KREMEN1: variants seen among roughly 807,000 people sequenced by gnomAD.
KREMEN1 encodes kremen protein 1.
In KREMEN1, 30 loss-of-function variants were observed where a neutral mutation model predicts 46.5. The ratio of observed to expected loss-of-function variants is 0.65; its 90% CI spans 0.48 to 0.88. The LOEUF is 0.88. Among genes scored for constraint, KREMEN1 ranks in the 40% least tolerant of loss-of-function variants. KREMEN1 has a pLI of 0.00. For missense variants in KREMEN1, 533 were observed against 596.9 expected (o/e 0.89, Z 1.11); for synonymous variants, 214 against 230.6 (o/e 0.93, Z 0.65).
chr22:29,073,313 C>A lies in KREMEN1; in HGVS notation c.97+86C>A. 2.3e-6 allele frequency: 1 copy of A among 427,280 alleles called. No homozygotes were observed. Among genetic ancestry groups the A allele is most frequent in the East Asian group, 6.9e-5 (1 of 14,568 alleles). The allele number at this position is 427,280 out of a possible 1,614,324, so 26.5% of individuals were successfully genotyped here. A position where few individuals can be genotyped will look rare whatever the true frequency, so the allele number is the denominator to read the frequency against. The stretch of plus-strand genomic sequence containing the variant: ...GGCCGGCCGGCCTGAGAGCCCCCTC[C>A]CTCCCGCTTCAGGACCTTCCGGGCC... On this transcript the variant is annotated intron_variant, in intron 1 of 8. Transcript: ENST00000400335. This position sits in a 1 kb window ranked among gnomAD's most constrained non-coding sequence, Gnocchi z 4.4.
intron 3 of KREMEN1, among the ~76,000 whole-genome samples, chr22:29,101,331 G>A (rs1205096331): frequency 6.6e-6 from 1 of 150,898 alleles, no homozygotes; most frequent in African/African-American, 2.4e-5. Context: ...TGTGTTGTAA[G>A]CTAAGTGTTA....
chr22:29,086,346 T>C (rs970368703), intron 1 of KREMEN1, among the ~76,000 whole-genome samples: 1 of 152,186 alleles, frequency 6.6e-6, no homozygotes, highest in African/African-American at 2.4e-5. Flanking sequence ...TCCCCTTTAT[T>C]GCACTGATTC....
chr22:29,104,871 G>A (rs1186788356), intron 3 of KREMEN1, among the ~76,000 whole-genome samples: 1 of 152,288 alleles, frequency 6.6e-6, no homozygotes, highest in East Asian at 1.9e-4. Context: ...TGCAGCCTGG[G>A]CGACAGAGCA....
intron 1 of KREMEN1, among the ~76,000 whole-genome samples, chr22:29,089,074 T>C (rs2037771219): frequency 6.6e-6 from 1 of 152,218 alleles, no homozygotes. Context: ...GCCCCAGATG[T>C]TGGGGCTGAT....
At chr22:29,137,155 A>G (rs1386586761) in intron 5 of KREMEN1, among the ~76,000 whole-genome samples, 187 bp from the exon 6 acceptor site, 4 of 152,088 alleles carry the variant, frequency 2.6e-5, no homozygotes, top group African/African-American at 4.8e-5. Flanking sequence ...CTCTGGGGGG[A>G]AAAACATCTC....
chr22:29,084,414 A>G (rs2037701501), intron 1 of KREMEN1, among the ~76,000 whole-genome samples: 1 of 152,134 alleles, frequency 6.6e-6, no homozygotes, highest in South Asian at 2.1e-4. Context: ...CCTCTATTTT[A>G]TGGGTTTATA....
At chr22:29,083,586 C>T (rs1391343332) in intron 1 of KREMEN1, among the ~76,000 whole-genome samples, 2 of 152,216 alleles carry the variant, frequency 1.3e-5, no homozygotes, top group African/African-American at 4.8e-5. Flanking sequence ...AATCCCAACA[C>T]TTTGGGAGGC....
At chr22:29,136,111 G>A (rs1043096625) in intron 5 of KREMEN1, among the ~76,000 whole-genome samples, 4 of 151,912 alleles carry the variant, frequency 2.6e-5, no homozygotes, top group Admixed American at 1.3e-4. Flanking sequence ...TAGTAGAGAC[G>A]GGGTTTCACC....
At chr22:29,141,299 C>G (rs9613825) in intron 8 of KREMEN1, among the ~76,000 whole-genome samples, 2 of 146,058 alleles carry the variant, frequency 1.4e-5, no homozygotes, top group African/African-American at 5.3e-5. Context: ...GTGTGTGTGT[C>G]TGTGTGTGTG....
chr22:29,110,189 C>G (rs1001017337), intron 3 of KREMEN1, among the ~76,000 whole-genome samples: 2 of 152,186 alleles, frequency 1.3e-5, no homozygotes, highest in African/African-American at 4.8e-5. Context: ...TAGTGAGGTG[C>G]CTGCATTCAA....
exon 10 of KREMEN1, chr22:29,167,410 A>G (rs2039062477): frequency 2.7e-6 from 1 of 373,262 alleles, no homozygotes; most frequent in Non-Finnish European, 5.0e-6. Context: ...AGCCGGTCAG[A>G]ACTGTGTGAC....
Position 29,138,707 on chromosome 22 carries a change from G to A in KREMEN1, c.1048G>A (p.Val350Ile), listed in dbSNP as rs1441899134. Residue 350 changes from valine (V) to isoleucine (I), a missense_variant, in exon 7 of 9, where the codon GTC (valine) becomes ATC (isoleucine). Transcript: ENST00000400335. ...EVITEQANLS[V>I]SAARSSKVLY... ...GATCACGGAGCAGGCCAACCTCAGT[G>A]TCAGCGCTGCCCGGTCCTCCAAAGT... 1 of 1,614,230 alleles carries A rather than the reference G, an allele frequency of 6.2e-7. No homozygotes were observed. Among genetic ancestry groups the A allele is most frequent in the Admixed American group, 1.7e-5 (1 of 60,024 alleles).
chr22:29,124,874 G>A (rs1455157931), intron 4 of KREMEN1, among the ~76,000 whole-genome samples: 1 of 152,168 alleles, frequency 6.6e-6, no homozygotes, highest in Non-Finnish European at 1.5e-5. Flanking sequence ...AAACAAAATT[G>A]TAAAATGGGG....
Position 29,122,844 on chromosome 22 carries a change from G to A in KREMEN1, c.477+1363G>A, listed in dbSNP as rs3944179. Among the ~76,000 whole-genome samples the A allele has an allele frequency of 1.9e-3, 281 of 149,412 alleles. 2 individuals are homozygous for A. In the East Asian group the frequency reaches 0.023, roughly 12 times the overall value. On this transcript the variant is annotated intron_variant, in intron 4 of 8. Transcript: ENST00000400335. ...TCCCAGCTACTCAGGAGGCTGAGGC[G>A]GGAGAATTGCTTGAACACAGGAGGC...
chr22:29,121,455 A>T lies in KREMEN1; in HGVS notation c.451A>T (p.Ser151Cys). ...SNKLTIQTCI[S>C]FCRSQRFKFA... ...CAAACTCACCATACAAACTTGCATC[A>T]GTTTTTGTCGGAGTCAGAGGTTCAA... Residue 151 changes from serine (S) to cysteine (C), a missense_variant, in exon 4 of 9, where the codon AGT (serine) becomes TGT (cysteine). Coordinates refer to ENST00000400335, the MANE Select transcript of KREMEN1 (RefSeq NM_001039570.3). 1 of 1,614,136 alleles carries T rather than the reference A, an allele frequency of 6.2e-7. No homozygotes were observed. Among genetic ancestry groups the T allele is most frequent in the Non-Finnish European group, 8.5e-7 (1 of 1,180,004 alleles).
Position 29,144,062 on chromosome 22 carries a change from AG to A in KREMEN1, c.*1951del. 1 of 985,548 alleles carries A rather than the reference AG, an allele frequency of 1.0e-6. No individual in the cohort carries two copies. The allele number at this position is 985,548 out of a possible 1,614,324, so 61.1% of individuals were successfully genotyped here. On this transcript the variant is annotated 3_prime_UTR_variant, in exon 9 of 9. Transcript: ENST00000400335. ...GGCTTTGTCAACAGCAGCTGAGAAA[AG>A]CAGCCTGTGCCTCTGCTGGCCAGGC...
At chr22:29,085,411 T>C (rs2037713270) in intron 1 of KREMEN1, among the ~76,000 whole-genome samples, 1 of 152,216 alleles carries the variant, frequency 6.6e-6, no homozygotes, top group Non-Finnish European at 1.5e-5. Context: ...TATGTATCTC[T>C]AAATGCTAAG....
chr22:29,085,129 G>C (rs1295027558), intron 1 of KREMEN1, among the ~76,000 whole-genome samples: 2 of 152,084 alleles, frequency 1.3e-5, no homozygotes. Flanking sequence ...GGCCGAATTT[G>C]TTTATAGTTC....
chr22:29,139,895 A>G (rs528509718), intron 7 of KREMEN1, among the ~76,000 whole-genome samples: 1 of 152,320 alleles, frequency 6.6e-6, no homozygotes, highest in South Asian at 2.1e-4. Flanking sequence ...CATAGGTAGC[A>G]TCTCATAGGT....
Sources: allele counts gnomAD v4.1 joint callset (sites outside exome capture counted in the v4.1 genomes callset), GRCh38; gene constraint gnomAD v4.1.1; non-coding constraint Gnocchi (gnomAD v3.1); transcripts MANE v1.5; gene names NCBI Gene and HGNC (gene_info 2026-07-23, HGNC 2026-07-21).